Variants in BLMH observed in about 807,000 individuals in gnomAD.
The protein encoded by BLMH is bleomycin hydrolase.
BLMH carries 32 observed loss-of-function variants against 61.6 expected under a neutral mutation model. The observed-to-expected ratio is 0.52, with a 90% confidence interval of 0.39 to 0.70. BLMH has a LOEUF of 0.70. BLMH is among the 30% of genes least tolerant of loss of function. The pLI is 0.00. For missense variants in BLMH, 460 were observed against 555.5 expected, an observed-to-expected ratio of 0.83 and a Z score of 1.73; for synonymous variants, 183 against 193.8, an observed-to-expected ratio of 0.94 and a Z score of 0.46.
chr17:30,249,101 A>G lies in BLMH; in HGVS notation c.1284T>C (p.His428=). Residue 428 remains histidine, a synonymous_variant, in exon 12 of 12, where the codon CAT becomes CAC. Transcript: ENST00000261714. ...ACACAGCTAGCACCTCTTCAGGGAC[A>G]TGCTTCCTGTCCACCACCACTTCGT... ...YVYEVVVDRK[H]VPEEVLAVLE... is the part of the protein sequence containing the mutation. The G allele has an allele frequency of 1.2e-6, 2 of 1,614,082 alleles. No homozygotes were observed. Among genetic ancestry groups the G allele is most frequent in the Middle Eastern group, 1.6e-4 (1 of 6,062 alleles).
At chr17:30,258,695 C>G (rs534358081) in intron 11 of BLMH, among the ~76,000 whole-genome samples, 1 of 152,326 alleles carries the variant, frequency 6.6e-6, no homozygotes, top group African/African-American at 2.4e-5. Context: ...TGAGGGCACA[C>G]ACAGCTCTCC....
intron 6 of BLMH, among the ~76,000 whole-genome samples, chr17:30,277,196 A>T (rs905875892): frequency 1.3e-5 from 2 of 152,202 alleles, no homozygotes; most frequent in Admixed American, 6.5e-5. Flanking sequence ...TCATTAAACC[A>T]TCTCTCTTTT....
chr17:30,290,386 T>C (rs1260062343), intron 2 of BLMH, among the ~76,000 whole-genome samples: 2 of 152,238 alleles, frequency 1.3e-5, no homozygotes, highest in African/African-American at 2.4e-5. Context: ...GGATCATCTG[T>C]AGCCTGAGAG....
intron 11 of BLMH, among the ~76,000 whole-genome samples, chr17:30,252,630 C>G (rs1907702753): frequency 6.7e-6 from 1 of 149,922 alleles, no homozygotes; most frequent in Admixed American, 6.7e-5. Context: ...CTAGCCTAAA[C>G]AGAGTGAGAC....
chr17:30,283,046 T>C (rs1041158068), intron 6 of BLMH, among the ~76,000 whole-genome samples: 4 of 152,136 alleles, frequency 2.6e-5, no homozygotes, highest in African/African-American at 9.7e-5. Context: ...CATGCACCTG[T>C]AGTCCCAGCT....
At chr17:30,271,205 A>C in intron 10 of BLMH, 66 bp downstream of exon 10, 2 of 1,198,582 alleles carry the variant, frequency 1.7e-6, no homozygotes, top group South Asian at 2.5e-5. Context: ...TTGTTGGGTA[A>C]ACAGTCTACA....
At chr17:30,259,223 C>T (rs1907896058) in intron 11 of BLMH, among the ~76,000 whole-genome samples, 1 of 152,194 alleles carries the variant, frequency 6.6e-6, no homozygotes, top group Non-Finnish European at 1.5e-5. Context: ...TTCCTTGCAA[C>T]CCCACTATAC....
At position 30,248,902 on chromosome 17, in the gene BLMH, G is replaced by T; in HGVS notation, c.*115C>A. The T allele has an allele frequency of 7.6e-7, 1 of 1,316,750 alleles. No individual in the cohort carries two copies. The highest frequency in any genetic ancestry group is 1.4e-5 in the South Asian group (1 of 70,532). The allele number at this position is 1,316,750 out of a possible 1,614,324, so 81.6% of individuals were successfully genotyped here. ...GGTTCCTGGTGGAGACTGGAAATCT[G>T]ACTGTGTCCTGTGGCAACACACAGT... On this transcript the variant is annotated 3_prime_UTR_variant, in exon 12 of 12. Transcript: ENST00000261714.
At chr17:30,259,100 C>CGT (rs1411694794) in intron 11 of BLMH, among the ~76,000 whole-genome samples, 2 of 152,144 alleles carry the variant, frequency 1.3e-5, no homozygotes, top group Non-Finnish European at 2.9e-5. Flanking sequence ...CAGTTTATCC[C>CGT]GTGTGTGACT....
chr17:30,269,558 C>T (rs966201490), intron 10 of BLMH, among the ~76,000 whole-genome samples: 2 of 152,122 alleles, frequency 1.3e-5, no homozygotes, highest in African/African-American at 4.8e-5. Flanking sequence ...GGGGTGATAA[C>T]ACTTAAATCA....
intron 6 of BLMH, among the ~76,000 whole-genome samples, chr17:30,279,966 T>C (rs1215314915): frequency 6.8e-6 from 1 of 146,232 alleles, no homozygotes; most frequent in Non-Finnish European, 1.5e-5. Context: ...AGACAAATGA[T>C]ATGGGCCTTA....
At position 30,249,157 on chromosome 17, in the gene BLMH, T is replaced by C. The variant is rs770286944; in HGVS notation, c.1228A>G (p.Met410Val). ...TACTCAGAGAACCACTCATCTGTCA[T>C]GCACAGGTAACCTGGAGAAAAGAAC... ...EDHGHKGYLC[M>V]TDEWFSEYVY... Residue 410 changes from methionine to valine, a missense_variant, in exon 12 of 12, where the codon ATG becomes GTG. Physicochemically the swap from Met to Val is conservative, Grantham distance 21. Transcript: ENST00000261714. 6.2e-7 allele frequency: 1 copy of C among 1,614,118 alleles called. No homozygotes were observed. Among genetic ancestry groups the C allele is most frequent in the South Asian group, 1.1e-5 (1 of 91,084 alleles).
At chr17:30,258,808 C>T (rs1169708351) in intron 11 of BLMH, among the ~76,000 whole-genome samples, 3 of 152,210 alleles carry the variant, frequency 2.0e-5, no homozygotes. Context: ...TCACCCCAAA[C>T]TATCGCTACT....
chr17:30,260,700 G>A (rs1397289817), intron 11 of BLMH, among the ~76,000 whole-genome samples: 3 of 152,002 alleles, frequency 2.0e-5, no homozygotes, highest in Admixed American at 2.0e-4. Flanking sequence ...GCCAACAGGT[G>A]AAACACCGTC....
rs1213222720 is a variant in BLMH, at chr17:30,291,436, T to C, written c.86A>G (p.Asn29Ser). The C allele has an allele frequency of 1.2e-6, 2 of 1,614,070 alleles. No homozygotes were observed. The highest frequency in any genetic ancestry group is 1.7e-6 in the Non-Finnish European group (2 of 1,180,034). ...NSDPQFVLAQ[N>S]VGTTHDLLDI... ...CAGCAGGTCGTGGGTGGTCCCGACA[T>C]TCTGGGCAAGTACGAACTGGGGGTC... is the stretch of plus-strand genomic sequence containing the variant. The change falls in exon 2 of 12, where the codon AAT (asparagine) becomes AGT (serine). Residue 29 changes from asparagine (N) to serine (S), a missense_variant. Transcript: ENST00000261714.
At chr17:30,288,840 G>T (rs1908804818) in intron 3 of BLMH, among the ~76,000 whole-genome samples, 1 of 152,074 alleles carries the variant, frequency 6.6e-6, no homozygotes, top group Non-Finnish European at 1.5e-5. Context: ...GGTGGCATGT[G>T]CCTGTGATTC....
chr17:30,276,269 T>C (rs1407908462), intron 6 of BLMH, among the ~76,000 whole-genome samples: 1 of 152,250 alleles, frequency 6.6e-6, no homozygotes, highest in Non-Finnish European at 1.5e-5. Context: ...AGATGGTGGA[T>C]ATTATCCCCC....
chr17:30,285,629 T>C (rs1471546907), intron 5 of BLMH, 149 bp from the exon 6 acceptor site: 1 of 520,118 alleles, frequency 1.9e-6, no homozygotes, highest in African/African-American at 2.0e-5. Context: ...TTCTTCAACT[T>C]GTCCACTTAA....
At chr17:30,271,076 A>C (rs1555596191) in intron 10 of BLMH, among the ~76,000 whole-genome samples, 195 bp downstream of exon 10, 1 of 152,224 alleles carries the variant, frequency 6.6e-6, no homozygotes, top group Non-Finnish European at 1.5e-5. Flanking sequence ...TTCTCCTCAT[A>C]GAAAGTTCCT....
Sources: allele counts gnomAD v4.1 joint callset (sites outside exome capture counted in the v4.1 genomes callset), GRCh38; gene constraint gnomAD v4.1.1; transcripts MANE v1.5; gene names NCBI Gene and HGNC (gene_info 2026-07-23, HGNC 2026-07-21).